CNTN1: variants seen among roughly 807,000 people sequenced by gnomAD.
The protein encoded by CNTN1 is contactin 1.
A neutral mutation model predicts 126.4 loss-of-function variants in CNTN1; 38 were observed. That is an observed-to-expected ratio of 0.30 (90% CI 0.23 to 0.39). CNTN1 has a LOEUF of 0.39. CNTN1 is among the 10% of genes least tolerant of loss of function. The pLI is 1.00. For synonymous variants in CNTN1, 413 were observed against 422.6 expected (o/e 0.98, Z 0.28); for missense variants, 1,009 against 1,248.4 (o/e 0.81, Z 2.89).
At chr12:40,778,263 T>C (rs1939663680) in intron 1 of CNTN1, among the ~76,000 whole-genome samples, 1 of 151,814 alleles carries the variant, frequency 6.6e-6, no homozygotes, top group Admixed American at 6.6e-5. Flanking sequence ...ATTTCAGAGG[T>C]CAGCAAAGCA....
intron 2 of CNTN1, 140 bp from the exon 3 acceptor site, chr12:40,909,933 T>C (rs947172238): frequency 1.6e-6 from 1 of 639,706 alleles, no homozygotes; most frequent in South Asian, 1.8e-5. Flanking sequence ...TCTGCACAGA[T>C]GTGAAGATAC....
chr12:41,002,269 G>A (rs556990773), intron 17 of CNTN1, among the ~76,000 whole-genome samples: 4 of 152,138 alleles, frequency 2.6e-5, no homozygotes, highest in African/African-American at 9.6e-5. Context: ...CTATCCACGA[G>A]CATGGAATGT....
In CNTN1 at chr12:40,773,306, C is replaced by T. The variant is rs1007063436; in HGVS notation, c.-77+80714C>T. Among the ~76,000 whole-genome samples, 11 of 151,718 alleles carry T rather than the reference C, an allele frequency of 7.3e-5. No homozygotes were observed. In the East Asian group the frequency reaches 1.9e-3, roughly 27 times the overall value. On this transcript the variant is annotated intron_variant, in intron 1 of 23. Coordinates refer to ENST00000551295, the MANE Select transcript of CNTN1 (RefSeq NM_001843.4). ...CTGCTCTGACTGGCTTGGCACTTTT[C>T]GTTTTAGAAAACGATAGTTAAGTCG...
chr12:40,855,579 T>A (rs312269), intron 1 of CNTN1, among the ~76,000 whole-genome samples: 1 of 151,866 alleles, frequency 6.6e-6, no homozygotes, highest in South Asian at 2.1e-4. Flanking sequence ...AAACATTTCC[T>A]ATAAGGTTTT....
intron 17 of CNTN1, among the ~76,000 whole-genome samples, chr12:41,007,044 G>GTT (rs1377932314): frequency 2.4e-5 from 3 of 123,448 alleles, no homozygotes; most frequent in East Asian, 2.6e-4. Flanking sequence ...AGTTTTGTGT[G>GTT]GTTTTTTTTT....
rs111442544 is a variant in CNTN1, at chr12:40,906,669, C to CTTTTTTTTTTTTTTTTTTTTTTTTTTTT, written c.-76-1679_-76-1678insTTTTTTTTTTTTTTTTTTTTTTTTTTTT. 2.1e-4 allele frequency among the ~76,000 whole-genome samples: 22 copies of CTTTTTTTTTTTTTTTTTTTTTTTTTTTT among 107,186 alleles called. 3 individuals carry two copies. Among genetic ancestry groups the CTTTTTTTTTTTTTTTTTTTTTTTTTTTT allele is most frequent in the African/African-American group, 2.9e-4 (8 of 27,158 alleles). The allele number at this position is 107,186 out of a possible 152,430, so 70.3% of individuals were successfully genotyped here. A position where few individuals can be genotyped will look rare whatever the true frequency, so the allele number is the denominator to read the frequency against. On this transcript the variant is annotated intron_variant, in intron 1 of 23. Transcript: ENST00000551295. ...TTTCCTTTTAAAATTGTTTTTCATGCTTTTTTTTTGTTTTGTTTTTTTTGA... is the reference window on the plus strand; with the variant it reads ...TTTCCTTTTAAAATTGTTTTTCATGCTTTTTTTTTTTTTTTTTTTTTTTTTTTTTTTTTTTTTGTTTTGTTTTTTTTGA...
chr12:40,918,679 G>T lies in CNTN1; in HGVS notation c.135G>T (p.Glu45Asp). 6.2e-7 allele frequency: 1 copy of T among 1,613,312 alleles called. No homozygotes were observed. The highest frequency in any genetic ancestry group is 8.5e-7 in the Non-Finnish European group (1 of 1,179,414). ...EDKGFGPIFE[E>D]QPINTIYPEE... ...AAGGATTTGGACCAATTTTTGAAGAGCAGCCAATCAATACCATTTATCCAG... is the reference window on the plus strand; with the variant it reads ...AAGGATTTGGACCAATTTTTGAAGATCAGCCAATCAATACCATTTATCCAG... Residue 45 changes from glutamate (E) to aspartate (D), a missense_variant, in exon 4 of 24, where the codon GAG becomes GAT. Transcript: ENST00000551295.
intron 23 of CNTN1, among the ~76,000 whole-genome samples, chr12:41,046,855 T>C (rs1003717525): frequency 6.7e-6 from 1 of 148,522 alleles, no homozygotes; most frequent in African/African-American, 2.5e-5. Flanking sequence ...TTCTTTTTTT[T>C]TTTTTTTTTT....
At chr12:40,899,500 CA>C (rs1944531567) in intron 1 of CNTN1, among the ~76,000 whole-genome samples, 1 of 152,152 alleles carries the variant, frequency 6.6e-6, no homozygotes, top group South Asian at 2.1e-4. Context: ...AAATGCCACA[CA>C]AAATATACCA....
chr12:40,831,328 G>C (rs1243446941), intron 1 of CNTN1, among the ~76,000 whole-genome samples: 1 of 151,686 alleles, frequency 6.6e-6, no homozygotes, highest in Non-Finnish European at 1.5e-5. Flanking sequence ...AACAAAGCAA[G>C]CTAATATGAA....
chr12:40,882,387 G>T (rs1330442092), intron 1 of CNTN1, among the ~76,000 whole-genome samples: 2 of 151,610 alleles, frequency 1.3e-5, no homozygotes, highest in Non-Finnish European at 3.0e-5. Context: ...AGAAACATGT[G>T]TCATTAACAA....
intron 23 of CNTN1, among the ~76,000 whole-genome samples, chr12:41,050,356 A>C (rs1170081770): frequency 6.6e-6 from 1 of 152,222 alleles, no homozygotes; most frequent in Non-Finnish European, 1.5e-5. Flanking sequence ...CTGTGCAGGA[A>C]GCATGGCTGG....
intron 1 of CNTN1, among the ~76,000 whole-genome samples, chr12:40,839,364 C>T (rs1009424234): frequency 2.6e-5 from 4 of 152,042 alleles, no homozygotes; most frequent in South Asian, 2.1e-4. Context: ...AACTGTTTAA[C>T]GAAATGATAG....
chr12:40,698,635 CCTT>C (rs1419528409), intron 1 of CNTN1, among the ~76,000 whole-genome samples: 3 of 152,124 alleles, frequency 2.0e-5, no homozygotes, highest in East Asian at 3.9e-4. Flanking sequence ...CTCATAGTCG[CCTT>C]CTTCTAAGTA....
intron 14 of CNTN1, 42 bp downstream of exon 14, chr12:40,944,212 C>T (rs1414628139): frequency 6.7e-7 from 1 of 1,502,186 alleles, no homozygotes; most frequent in South Asian, 1.1e-5. Flanking sequence ...CCCAGTGATT[C>T]CTATGTGTCT....
chr12:41,033,331 A>G (rs1395703236), intron 23 of CNTN1, among the ~76,000 whole-genome samples: 1 of 152,216 alleles, frequency 6.6e-6, no homozygotes, highest in African/African-American at 2.4e-5. Flanking sequence ...AAGAAAATAT[A>G]CATATAGCTA....
At chr12:40,958,377 G>GTGTGTGTA (rs1555188809) in intron 14 of CNTN1, among the ~76,000 whole-genome samples, 6 of 124,350 alleles carry the variant, frequency 4.8e-5, no homozygotes, top group Admixed American at 2.4e-4. Context: ...GTGTGTGTGT[G>GTGTGTGTA]TGTATGTATG....
In CNTN1 at chr12:40,886,143, G is replaced by A. The variant is rs141273967; in HGVS notation, c.-76-22214G>A. ...TAATCATACCGTATGCAAAATAATA[G>A]TTCTGCATCCTCTTTTTTGATTGTT... On this transcript the variant is annotated intron_variant, in intron 1 of 23. Coordinates refer to ENST00000551295, the MANE Select transcript of CNTN1 (RefSeq NM_001843.4). Among the ~76,000 whole-genome samples the A allele has an allele frequency of 2.8e-4, 43 of 152,022 alleles. 1 individual carries two copies. The South Asian group carries it at 6.4e-3, about 23-fold the overall frequency.
chr12:40,704,029 C>T (rs1248250329), intron 1 of CNTN1, among the ~76,000 whole-genome samples: 3 of 151,838 alleles, frequency 2.0e-5, no homozygotes, highest in Non-Finnish European at 4.4e-5. Flanking sequence ...AACAGCATGA[C>T]TGGTTCAAAT....
Sources: allele counts gnomAD v4.1 joint callset (sites outside exome capture counted in the v4.1 genomes callset), GRCh38; gene constraint gnomAD v4.1.1; transcripts MANE v1.5; gene names NCBI Gene and HGNC (gene_info 2026-07-23, HGNC 2026-07-21).